SIAH3: variants seen among roughly 807,000 people sequenced by gnomAD.
SIAH3 encodes the protein seven in absentia homolog 3.
SIAH3 carries 9 observed loss-of-function variants against 12.6 expected under a neutral mutation model. The observed-to-expected ratio is 0.72, with a 90% CI of 0.43 to 1.25. SIAH3 has a LOEUF of 1.25. SIAH3 is among the 50% of genes most tolerant of loss of function. The pLI is 0.00. For synonymous variants in SIAH3, 154 were observed against 151.1 expected (o/e 1.02, Z -0.14); for missense variants, 390 against 365.4 (o/e 1.07, Z -0.55).
In SIAH3 at chr13:45,783,932, G is replaced by T. The variant is rs751585559; in HGVS notation, c.261C>A (p.Pro87=). 1 of 1,609,342 alleles carries T rather than the reference G, an allele frequency of 6.2e-7. No homozygotes were observed. Among genetic ancestry groups the T allele is most frequent in the African/African-American group, 1.3e-5 (1 of 74,906 alleles). ...CCGCCTCCTGGTGGTGAAGGTGGTG[G>T]GGGTGGGCGTGGTGGCGGAGGTGGT... is the stretch of plus-strand genomic sequence containing the variant. ...HHHHLRHHAH[P]HHLHHQEAGL... Residue 87 remains proline, a synonymous_variant, in exon 2 of 2, where the codon CCC becomes CCA. Transcript: ENST00000400405.
At chr13:45,829,231 G>A (rs1182565143) in intron 1 of SIAH3, among the ~76,000 whole-genome samples, 1 of 152,186 alleles carries the variant, frequency 6.6e-6, no homozygotes, top group Non-Finnish European at 1.5e-5. Context: ...CTGCTTGTGT[G>A]TAAAATGCAT....
chr13:45,825,768 T>A (rs139881827), intron 1 of SIAH3, among the ~76,000 whole-genome samples: 219 of 152,336 alleles, frequency 1.4e-3, no homozygotes, highest in African/African-American at 4.8e-3. Flanking sequence ...TGGGCCCTCA[T>A]ATCATACCTG....
intron 1 of SIAH3, among the ~76,000 whole-genome samples, chr13:45,827,994 A>T (rs1950684948): frequency 6.6e-6 from 1 of 152,198 alleles, no homozygotes; most frequent in Non-Finnish European, 1.5e-5. Context: ...AACGAGGCCC[A>T]CATTTTCATT....
Position 45,780,947 on chromosome 13 carries a change from G to A in SIAH3, c.*2436C>T, listed in dbSNP as rs1299461904. The A allele has an allele frequency of 6.6e-6, 1 of 152,242 alleles. No homozygotes were observed. The highest frequency in any genetic ancestry group is 1.5e-5 in the Non-Finnish European group (1 of 68,048). The allele number at this position is 152,242 out of a possible 1,614,324, so 9.4% of individuals were successfully genotyped here. On this transcript the variant is annotated 3_prime_UTR_variant, in exon 2 of 2. Coordinates refer to ENST00000400405, the MANE Select transcript of SIAH3 (RefSeq NM_198849.3). ...TACCATTTCCTATTCCCAATTCTTG[G>A]TTGTTAGTTTGCTCCTTCTTCTCCA... is the stretch of plus-strand genomic sequence containing the variant.
chr13:45,843,848 C>G (rs561970028), intron 1 of SIAH3, among the ~76,000 whole-genome samples: 4 of 152,100 alleles, frequency 2.6e-5, no homozygotes, highest in Admixed American at 6.5e-5. Context: ...AATGACCATG[C>G]TAACAATTGG....
chr13:45,789,899 G>T (rs547887585), intron 1 of SIAH3, among the ~76,000 whole-genome samples: 9 of 152,234 alleles, frequency 5.9e-5, no homozygotes, highest in Admixed American at 4.6e-4. Flanking sequence ...CAAATGTTTT[G>T]GTTGGTGAAA....
At chr13:45,821,233 C>T (rs940326958) in intron 1 of SIAH3, among the ~76,000 whole-genome samples, 2 of 152,180 alleles carry the variant, frequency 1.3e-5, no homozygotes, top group African/African-American at 4.8e-5. Flanking sequence ...TGTGAGGACA[C>T]AGGGAGAATG....
Position 45,783,270 on chromosome 13 carries a change from T to TA in SIAH3, c.*112dup, listed in dbSNP as rs202034815. ...CAAAAAAATAATAATAATTAAAAATTAAAAAAAAAAAAAAGAAAGGAGAAG... is the reference window on the plus strand; with the variant it reads ...CAAAAAAATAATAATAATTAAAAATTAAAAAAAAAAAAAAAGAAAGGAGAAG... On this transcript the variant is annotated 3_prime_UTR_variant, in exon 2 of 2. Coordinates refer to ENST00000400405, the MANE Select transcript of SIAH3 (RefSeq NM_198849.3). 0.35 allele frequency: 197,816 copies of TA among 562,340 alleles called. 13,412 individuals are homozygous for TA. The highest frequency in any genetic ancestry group is 0.38 in the Non-Finnish European group (143,847 of 375,384). The allele number at this position is 562,340 out of a possible 1,614,324, so 34.8% of individuals were successfully genotyped here.
intron 1 of SIAH3, among the ~76,000 whole-genome samples, chr13:45,839,993 G>C (rs150658211): frequency 2.6e-5 from 4 of 151,328 alleles, no homozygotes; most frequent in Admixed American, 1.3e-4. Flanking sequence ...TGCCATGGCT[G>C]ACGCCTGAAA....
intron 1 of SIAH3, among the ~76,000 whole-genome samples, chr13:45,810,014 C>T (rs561652659): frequency 1.8e-4 from 27 of 152,300 alleles, no homozygotes; most frequent in African/African-American, 5.3e-4. Flanking sequence ...GCTCCCTGGT[C>T]GAGCTAGTCC....
At chr13:45,834,575 G>C (rs1369382159) in intron 1 of SIAH3, among the ~76,000 whole-genome samples, 4 of 152,172 alleles carry the variant, frequency 2.6e-5, no homozygotes, top group Non-Finnish European at 4.4e-5. Flanking sequence ...CCTATGGCTG[G>C]TGGGCAGCAT....
At chr13:45,811,736 C>A (rs74071698) in intron 1 of SIAH3, among the ~76,000 whole-genome samples, 3,846 of 152,300 alleles carry the variant, frequency 0.025, 158 homozygotes, top group African/African-American at 0.088. Flanking sequence ...GAGTTCAGGG[C>A]AGGAGATAGC....
chr13:45,800,357 A>C (rs1304157087), intron 1 of SIAH3, among the ~76,000 whole-genome samples: 1 of 152,238 alleles, frequency 6.6e-6, no homozygotes, highest in Non-Finnish European at 1.5e-5. Context: ...GTTTTATTCA[A>C]ACCTAGCGAA....
At chr13:45,817,499 T>C (rs977411317) in intron 1 of SIAH3, among the ~76,000 whole-genome samples, 1 of 152,182 alleles carries the variant, frequency 6.6e-6, no homozygotes, top group Non-Finnish European at 1.5e-5. Flanking sequence ...AAATTAAGGA[T>C]TTTGAGATGT....
chr13:45,779,011 G>A lies in SIAH3; in HGVS notation c.*4372C>T, dbSNP rs1373645613. On this transcript the variant is annotated 3_prime_UTR_variant, in exon 2 of 2. Transcript: ENST00000400405. ...AAGTGCTTAACAACTGGCTTTCTAGGGAGAAAAATCCCTGTCTAGTAGCAT... is the reference window on the plus strand; with the variant it reads ...AAGTGCTTAACAACTGGCTTTCTAGAGAGAAAAATCCCTGTCTAGTAGCAT... 6.6e-6 allele frequency: 1 copy of A among 152,076 alleles called. No homozygotes were observed. The highest frequency in any genetic ancestry group is 2.4e-5 in the African/African-American group (1 of 41,414). The allele number at this position is 152,076 out of a possible 1,614,324, so 9.4% of individuals were successfully genotyped here. A position where few individuals can be genotyped will look rare whatever the true frequency, so the allele number is the denominator to read the frequency against.
At chr13:45,848,096 G>A (rs1462480573) in intron 1 of SIAH3, among the ~76,000 whole-genome samples, 5 of 152,188 alleles carry the variant, frequency 3.3e-5, no homozygotes, top group Non-Finnish European at 1.5e-5. Context: ...GAGGAGTGCT[G>A]AATCAGGACC....
chr13:45,790,179 G>T (rs1950541443), intron 1 of SIAH3, among the ~76,000 whole-genome samples: 1 of 152,150 alleles, frequency 6.6e-6, no homozygotes, highest in Non-Finnish European at 1.5e-5. Context: ...TCAAAATTAT[G>T]CAACTTGAGT....
intron 1 of SIAH3, among the ~76,000 whole-genome samples, chr13:45,846,084 C>CTTTTTTTTTTTTTTTTTTT: frequency 1.2e-5 from 1 of 85,704 alleles, no homozygotes; most frequent in Non-Finnish European, 2.0e-5. Flanking sequence ...GACCTAACTT[C>CTTTTTTTTTTTTTTTTTTT]TTTTTTTTTT....
chr13:45,816,846 C>T (rs902336090), intron 1 of SIAH3, among the ~76,000 whole-genome samples: 12 of 152,180 alleles, frequency 7.9e-5, no homozygotes, highest in Non-Finnish European at 1.3e-4. Flanking sequence ...GTAGTAATAA[C>T]TATAATATAT....
Sources: allele counts gnomAD v4.1 joint callset (sites outside exome capture counted in the v4.1 genomes callset), GRCh38; gene constraint gnomAD v4.1.1; transcripts MANE v1.5; gene names NCBI Gene and HGNC (gene_info 2026-07-23, HGNC 2026-07-21).